The following PVT1 variants were observed in gnomAD, a reference collection of about 807,000 sequenced individuals.
PVT1 encodes CXCR4/PVT1 fusion.
intron 2 of PVT1, among the ~76,000 whole-genome samples, chr8:127,873,919 A>C (rs1417006730): frequency 2.0e-5 from 3 of 152,232 alleles, no homozygotes; most frequent in Non-Finnish European, 4.4e-5. Flanking sequence ...GTAAATGTCT[A>C]GTGGATGAAT....
At chr8:127,871,178 G>A (rs149413048) in intron 2 of PVT1, among the ~76,000 whole-genome samples, 112 of 152,306 alleles carry the variant, frequency 7.4e-4, no homozygotes, top group African/African-American at 2.6e-3. Context: ...CCTGCTGTGT[G>A]CCTCTCCAGG....
chr8:127,984,907 TTCTTTCTTTC>T (rs1816939294), intron 3 of PVT1, among the ~76,000 whole-genome samples: 1 of 87,412 alleles, frequency 1.1e-5, no homozygotes. Flanking sequence ...CTTTCTTTCT[TTCTTTCTTTC>T]TTTCTCTTTC....
chr8:128,097,578 C>G (rs936993398), intron 6 of PVT1, among the ~76,000 whole-genome samples: 1 of 152,196 alleles, frequency 6.6e-6, no homozygotes, highest in Admixed American at 6.5e-5. Flanking sequence ...TTAGGCAGTA[C>G]TGACCACACC....
intron 4 of PVT1, among the ~76,000 whole-genome samples, chr8:127,990,014 G>A: frequency 6.6e-6 from 1 of 152,202 alleles, no homozygotes; most frequent in Non-Finnish European, 1.5e-5. Context: ...CTCCAAAAGG[G>A]AAGAGAGTTT....
chr8:127,977,314 T>C (rs1816832660), intron 3 of PVT1, among the ~76,000 whole-genome samples: 1 of 152,120 alleles, frequency 6.6e-6, no homozygotes, highest in South Asian at 2.1e-4. Context: ...AGTCTGGGCT[T>C]CTCAAGTGTG....
rs373625115 is a variant in PVT1, at chr8:127,834,183, A to G, written n.372+38112A>G. Among the ~76,000 whole-genome samples, 9 of 152,250 alleles carry G rather than the reference A, an allele frequency of 5.9e-5. No homozygotes were observed. The South Asian group carries it at 8.3e-4, about 14-fold the overall frequency. On this transcript the variant is annotated intron_variant and non_coding_transcript_variant, in intron 2 of 10. Transcript: ENST00000651587. Reference sequence around the variant, plus strand: ...AAACTTCAAACTATACCACAAGGCTACAGTAGCCAAAACAGCATGATACTA... The same window carrying G: ...AAACTTCAAACTATACCACAAGGCTGCAGTAGCCAAAACAGCATGATACTA...
intron 3 of PVT1, among the ~76,000 whole-genome samples, chr8:127,953,708 G>A (rs1382096005): frequency 1.3e-5 from 2 of 152,150 alleles, no homozygotes; most frequent in African/African-American, 4.8e-5. Context: ...CCTGAGATTA[G>A]GGAAGACATT....
In PVT1 at chr8:127,998,892, A is replaced by G. The variant is rs148800795; in HGVS notation, n.912+9601A>G. ...CTCTCTCTCTTTTTTTGGTGCATCC[A>G]TACTTTCTGGCACTATAAGATGCTT... On this transcript the variant is annotated intron_variant and non_coding_transcript_variant, in intron 4 of 10. Transcript: ENST00000651587. 1.7e-3 allele frequency among the ~76,000 whole-genome samples: 230 copies of G among 135,582 alleles called. 1 individual carries two copies. Among genetic ancestry groups the G allele is most frequent in the African/African-American group, 6.3e-3 (220 of 35,012 alleles). 88.9% of individuals were successfully genotyped at this position (135,582 alleles called of 152,430 possible).
intron 2 of PVT1, among the ~76,000 whole-genome samples, chr8:127,842,839 G>A (rs1046549204): frequency 2.0e-5 from 3 of 152,160 alleles, no homozygotes; most frequent in Non-Finnish European, 2.9e-5. Context: ...CTCCTGTGCC[G>A]GCTCTCAAAG....
intron 3 of PVT1, among the ~76,000 whole-genome samples, chr8:127,891,380 A>G (rs1221842001): frequency 6.6e-6 from 1 of 152,180 alleles, no homozygotes; most frequent in African/African-American, 2.4e-5. Context: ...AAAGATATGC[A>G]TGGGGGGATA....
At chr8:128,076,408 G>C (rs1467056817) in intron 5 of PVT1, among the ~76,000 whole-genome samples, 1 of 152,144 alleles carries the variant, frequency 6.6e-6, no homozygotes, top group Non-Finnish European at 1.5e-5. Flanking sequence ...ATGTCTCAAA[G>C]AGCCCATGAG....
chr8:127,901,447 C>T (rs1283491234), intron 3 of PVT1, among the ~76,000 whole-genome samples: 3 of 152,130 alleles, frequency 2.0e-5, no homozygotes, highest in African/African-American at 7.2e-5. Context: ...GAGATGCCCT[C>T]GGTGGCCCAG....
chr8:128,041,362 GTTGT>G (rs1048114476), intron 4 of PVT1, among the ~76,000 whole-genome samples: 3 of 149,318 alleles, frequency 2.0e-5, no homozygotes, highest in Admixed American at 6.7e-5. Context: ...GTGCTCATGT[GTTGT>G]TTGTGTTTGT....
At chr8:127,816,391 T>G (rs1358407177) in intron 2 of PVT1, among the ~76,000 whole-genome samples, 1 of 151,672 alleles carries the variant, frequency 6.6e-6, no homozygotes, top group African/African-American at 2.4e-5. Flanking sequence ...CGAGAGATCC[T>G]CTTATCTCGG....
intron 3 of PVT1, among the ~76,000 whole-genome samples, chr8:127,983,200 T>A (rs2129983076): frequency 6.6e-6 from 1 of 152,302 alleles, no homozygotes; most frequent in East Asian, 1.9e-4. Context: ...GGCTCGGATG[T>A]GGCCTAATTA....
Position 128,026,888 on chromosome 8 carries a change from G to T in PVT1, n.912+37597G>T, listed in dbSNP as rs369565789. Among the ~76,000 whole-genome samples, 13 of 152,294 alleles carry T rather than the reference G, an allele frequency of 8.5e-5. 1 individual carries two copies. Among genetic ancestry groups the T allele is most frequent in the African/African-American group, 3.1e-4 (13 of 41,582 alleles). ...GTGACCGGCCTCATTCCATAGAAGAGATGGAAGAGTCTGGAGCAGAATCTG... is the reference window on the plus strand; with the variant it reads ...GTGACCGGCCTCATTCCATAGAAGATATGGAAGAGTCTGGAGCAGAATCTG... On this transcript the variant is annotated intron_variant and non_coding_transcript_variant, in intron 4 of 10. Transcript: ENST00000651587.
At chr8:127,876,212 C>T (rs567881738) in intron 2 of PVT1, among the ~76,000 whole-genome samples, 100 of 151,814 alleles carry the variant, frequency 6.6e-4, no homozygotes, top group African/African-American at 2.3e-3. Context: ...ATGGAGACAC[C>T]TGGAAAACAT....
intron 2 of PVT1, among the ~76,000 whole-genome samples, chr8:127,811,440 T>G (rs1476068077): frequency 6.6e-6 from 1 of 152,168 alleles, no homozygotes; most frequent in Non-Finnish European, 1.5e-5. Context: ...TGTCTTTCCT[T>G]TCCATTCCCC....
At chr8:127,894,734 T>C (rs578009706) in intron 3 of PVT1, among the ~76,000 whole-genome samples, 1 of 152,378 alleles carries the variant, frequency 6.6e-6, no homozygotes, top group African/African-American at 2.4e-5. Flanking sequence ...TAGTGACATG[T>C]GGACCTAGTC....
Sources: gnomAD v4.1 joint callset for allele counts (sites outside exome capture counted in the v4.1 genomes callset) on GRCh38, gnomAD v4.1.1 for gene constraint, MANE v1.5 for transcripts, NCBI Gene and HGNC (gene_info 2026-07-23, HGNC 2026-07-21) for gene names.